The following ZNF33B variants were observed in gnomAD, a reference collection of about 807,000 sequenced individuals.
ZNF33B encodes the protein zinc finger protein 33B.
A neutral mutation model predicts 45.8 loss-of-function variants in ZNF33B; 29 were observed. The ratio of observed to expected loss-of-function variants is 0.63; its 90% confidence interval spans 0.47 to 0.86. The LOEUF (loss-of-function observed/expected upper bound fraction) is 0.86. Among genes scored for constraint, ZNF33B ranks in the 40% least tolerant of loss-of-function variants. The pLI is 0.00. For synonymous variants in ZNF33B, 305 were observed against 307.8 expected, an observed-to-expected ratio of 0.99 and a Z score of 0.10; for missense variants, 831 against 909.9, an observed-to-expected ratio of 0.91 and a Z score of 1.12.
At position 42,583,443 on chromosome 10, in the gene ZNF33B, A is replaced by G. The variant is rs536316190; in HGVS notation, c.74-8765T>C. On this transcript the variant is annotated intron_variant, in intron 1 of 1. Coordinates refer to the ZNF33B transcript ENST00000462075. ...TTTGGAAGTGGTATTGCCCGCTGAG[A>G]TGGTACTAGATAAATGGGAGCTGGT... is the stretch of plus-strand genomic sequence containing the variant. 11 of 287,288 alleles carry G rather than the reference A, an allele frequency of 3.8e-5. No individual in the cohort carries two copies. The Admixed American group carries it at 4.3e-4, about 11-fold the overall frequency. 17.8% of individuals were successfully genotyped at this position (287,288 alleles called of 1,614,324 possible).
intron 4 of ZNF33B, among the ~76,000 whole-genome samples, chr10:42,603,180 CAG>C (rs1013548727): frequency 1.3e-4 from 20 of 152,152 alleles, no homozygotes; most frequent in African/African-American, 4.8e-4. Flanking sequence ...ATCACCCACC[CAG>C]AGAAAAGCAA....
chr10:42,608,904 A>T (rs1232351270), intron 4 of ZNF33B, among the ~76,000 whole-genome samples: 1 of 152,108 alleles, frequency 6.6e-6, no homozygotes, highest in Non-Finnish European at 1.5e-5. Context: ...AGAAGATTCA[A>T]ATTACTAAAT....
chr10:42,599,063 CTGTT>C (rs975823241), intron 4 of ZNF33B, among the ~76,000 whole-genome samples: 7 of 152,306 alleles, frequency 4.6e-5, no homozygotes, highest in East Asian at 1.9e-4. Flanking sequence ...GCCGTAATAG[CTGTT>C]TATTTGAATG....
Position 42,593,250 on chromosome 10 carries a change from G to A in ZNF33B, c.1700C>T (p.Thr567Ile). ...GTGTGTTCTATAATGTTGAGAGAGG[G>A]TTGACTTATGGCTAAAGAATTTCCC... ...ECGKFFSHKS[T>I]LSQHYRTHTG... Residue 567 changes from threonine to isoleucine, a missense_variant, in exon 5 of 5, where the codon ACC (threonine) becomes ATC (isoleucine). Coordinates refer to ENST00000359467, the MANE Select transcript of ZNF33B (RefSeq NM_006955.3). 4 of 1,613,616 alleles carry A rather than the reference G, an allele frequency of 2.5e-6. No homozygotes were observed. Among genetic ancestry groups the A allele is most frequent in the Non-Finnish European group, 3.4e-6 (4 of 1,179,934 alleles).
intron 4 of ZNF33B, among the ~76,000 whole-genome samples, chr10:42,627,272 G>A (rs1252845855): frequency 6.6e-6 from 1 of 152,164 alleles, no homozygotes; most frequent in Non-Finnish European, 1.5e-5. Context: ...CCAAAGCCCT[G>A]GGATAACAGG....
At chr10:42,603,706 A>G (rs943973942) in intron 4 of ZNF33B, among the ~76,000 whole-genome samples, 4 of 152,190 alleles carry the variant, frequency 2.6e-5, no homozygotes, top group African/African-American at 9.7e-5. Context: ...CAATAGAGCA[A>G]TATGTCAGCA....
At chr10:42,612,059 A>T (rs1838120099) in intron 4 of ZNF33B, among the ~76,000 whole-genome samples, 1 of 151,926 alleles carries the variant, frequency 6.6e-6, no homozygotes, top group Admixed American at 6.6e-5. Flanking sequence ...ACTAAGTATG[A>T]TCTTAGCAGT....
At chr10:42,606,360 G>C (rs139841711) in intron 4 of ZNF33B, among the ~76,000 whole-genome samples, 27 of 152,158 alleles carry the variant, frequency 1.8e-4, no homozygotes, top group African/African-American at 6.3e-4. Flanking sequence ...AGCAACTCGG[G>C]AGGCTGAGAC....
At chr10:42,610,139 A>C (rs1781070683) in intron 4 of ZNF33B, among the ~76,000 whole-genome samples, 1 of 152,242 alleles carries the variant, frequency 6.6e-6, no homozygotes, top group African/African-American at 2.4e-5. Context: ...CATATAGAGA[A>C]TCTTAAAGAA....
chr10:42,575,537 T>C (rs1836735714), intron 1 of ZNF33B, among the ~76,000 whole-genome samples: 1 of 152,108 alleles, frequency 6.6e-6, no homozygotes, highest in Non-Finnish European at 1.5e-5. Flanking sequence ...GACAAATCAA[T>C]ATACCTCTAT....
intron 4 of ZNF33B, among the ~76,000 whole-genome samples, chr10:42,616,785 T>C (rs111602112): frequency 0.13 from 20,296 of 152,086 alleles, 1,831 homozygotes; most frequent in African/African-American, 0.25. Context: ...AACCTCCGCC[T>C]CCCGGATTCA....
chr10:42,630,233 T>C lies in ZNF33B; in HGVS notation c.250+1696A>G, dbSNP rs141102336. On this transcript the variant is annotated intron_variant, in intron 4 of 4. Transcript: ENST00000359467. ...TTTAGTTCCCCTTTATTCATGAATATAGTTTCAAAAGATACAGAATTTTTA... is the reference window on the plus strand; with the variant it reads ...TTTAGTTCCCCTTTATTCATGAATACAGTTTCAAAAGATACAGAATTTTTA... Among the ~76,000 whole-genome samples, 73 of 152,294 alleles carry C rather than the reference T, an allele frequency of 4.8e-4. No homozygotes were observed. In the East Asian group the frequency reaches 0.011, roughly 23 times the overall value.
chr10:42,635,239 C>CA (rs71533034), intron 2 of ZNF33B, among the ~76,000 whole-genome samples: 1,642 of 99,288 alleles, frequency 0.017, 25 homozygotes, highest in African/African-American at 0.037. Flanking sequence ...AGACATTCTC[C>CA]AAAAAAAAAA....
At chr10:42,600,152 G>A (rs966826117) in intron 4 of ZNF33B, among the ~76,000 whole-genome samples, 1 of 152,048 alleles carries the variant, frequency 6.6e-6, no homozygotes, top group Admixed American at 6.5e-5. Flanking sequence ...CCCTTGAAAA[G>A]AATGTATATT....
At chr10:42,586,150 ATTTTTTTTT>A (rs67457246), downstream of ZNF33B, among the ~76,000 whole-genome samples, 5 of 121,548 alleles carry the variant, frequency 4.1e-5, no homozygotes, top group Admixed American at 3.8e-4. Flanking sequence ...TTTTCCTCAG[ATTTTTTTTT>A]TTTTTTTTTT....
chr10:42,623,255 ACT>A (rs1400709577), intron 4 of ZNF33B, among the ~76,000 whole-genome samples: 1 of 152,234 alleles, frequency 6.6e-6, no homozygotes, highest in Non-Finnish European at 1.5e-5. Context: ...TGACGGTGAG[ACT>A]CTGTCTCAAA....
intron 4 of ZNF33B, among the ~76,000 whole-genome samples, chr10:42,619,212 A>C (rs1353297156): frequency 6.6e-6 from 1 of 152,188 alleles, no homozygotes; most frequent in East Asian, 1.9e-4. Flanking sequence ...GTGAATGCTA[A>C]ATCAGGAAAA....
Position 42,594,363 on chromosome 10 carries a change from T to C in ZNF33B, c.587A>G (p.Asn196Ser). ...HTREKNEVLK[N>S]RNTLSHRENT... is the part of the protein sequence containing the mutation. ...CTCACGATGACTCAGAGTGTTCCTA[T>C]TTTTCAAAACTTCATTTTTCTCTCG... Residue 196 changes from asparagine to serine, a missense_variant, in exon 5 of 5, where the codon AAT (asparagine) becomes AGT (serine). Physicochemically the swap from Asn to Ser is conservative, Grantham distance 46. Transcript: ENST00000359467. 6.2e-7 allele frequency: 1 copy of C among 1,613,932 alleles called. No individual in the cohort carries two copies. The highest frequency in any genetic ancestry group is 8.5e-7 in the Non-Finnish European group (1 of 1,179,878).
chr10:42,617,089 TCTC>T (rs1190715593), intron 4 of ZNF33B, among the ~76,000 whole-genome samples: 10 of 137,110 alleles, frequency 7.3e-5, no homozygotes, highest in Non-Finnish European at 1.4e-4. Context: ...GTTCATTTTT[TCTC>T]TTTTTTTTTT....
Sources: allele counts gnomAD v4.1 joint callset (sites outside exome capture counted in the v4.1 genomes callset), GRCh38; gene constraint gnomAD v4.1.1; transcripts MANE v1.5; gene names NCBI Gene and HGNC (gene_info 2026-07-23, HGNC 2026-07-21).